The following RAB8B variants were observed in gnomAD, a reference collection of about 807,000 sequenced individuals.
The protein encoded by RAB8B is ras-related protein Rab-8B.
Under a neutral mutation model 32.0 loss-of-function variants are expected in RAB8B, and 11 were observed. The ratio of observed to expected loss-of-function variants is 0.34; its 90% CI spans 0.22 to 0.57. The LOEUF (loss-of-function observed/expected upper bound fraction) is 0.57, where lower values mean the gene tolerates loss of function less well. Ranked by LOEUF, RAB8B falls within the 20% of genes least tolerant of loss-of-function variation. RAB8B has a pLI of 0.86. For missense variants in RAB8B, 190 were observed against 258.5 expected, an observed-to-expected ratio of 0.73 and a Z score of 1.82; for synonymous variants, 103 against 89.6, an observed-to-expected ratio of 1.15 and a Z score of -0.85.
At chr15:63,241,409 T>C (rs999937680) in intron 1 of RAB8B, among the ~76,000 whole-genome samples, 1 of 152,220 alleles carries the variant, frequency 6.6e-6, no homozygotes. Flanking sequence ...TTTTAATTAA[T>C]TTATTCAGGT....
Position 63,263,620 on chromosome 15 carries a change from T to C in RAB8B, c.*1T>C. ...TTTCTTTCGTTGCTCGCTACTTTGA[T>C]GAACTCTTTCTGAGAGACTGCAGCA... On this transcript the variant is annotated 3_prime_UTR_variant, in exon 8 of 8. Transcript: ENST00000321437. 1 of 1,601,064 alleles carries C rather than the reference T, an allele frequency of 6.2e-7. No homozygotes were observed. Among genetic ancestry groups the C allele is most frequent in the Non-Finnish European group, 8.6e-7 (1 of 1,168,132 alleles).
intron 5 of RAB8B, among the ~76,000 whole-genome samples, chr15:63,257,985 C>T (rs1480103611): frequency 6.6e-6 from 1 of 151,264 alleles, no homozygotes; most frequent in African/African-American, 2.4e-5. Flanking sequence ...ATCACTTGAA[C>T]CCAGGAGGCG....
rs71131153 is a variant in RAB8B at position 63,239,410 on chromosome 15, G to GTTT, written c.125-5328_125-5326dup. Among the ~76,000 whole-genome samples the GTTT allele has an allele frequency of 1.6e-4, 19 of 120,862 alleles. 1 individual carries two copies. The highest frequency in any genetic ancestry group is 2.7e-4 in the South Asian group (1 of 3,662). The allele number at this position is 120,862 out of a possible 152,430, so 79.3% of individuals were successfully genotyped here. ...TATAATATATTAAGAAATTTCCGAAGTTTTTTTTTTTTTTTTTTTTGAGAC... is the reference window on the plus strand; with the variant it reads ...TATAATATATTAAGAAATTTCCGAAGTTTTTTTTTTTTTTTTTTTTTTTGAGAC... On this transcript the variant is annotated intron_variant, in intron 1 of 7. Transcript: ENST00000321437.
intron 1 of RAB8B, among the ~76,000 whole-genome samples, chr15:63,197,236 TTTATGG>T (rs1375698422): frequency 6.6e-6 from 1 of 151,602 alleles, no homozygotes; most frequent in Non-Finnish European, 1.5e-5. Context: ...AGTACTGATG[TTTATGG>T]TTATGTTTTA....
At chr15:63,189,894 C>T in intron 1 of RAB8B, 146 bp downstream of exon 1, 1 of 894,104 alleles carries the variant, frequency 1.1e-6, no homozygotes, top group Non-Finnish European at 1.4e-6. Context: ...GGGGCGAGGG[C>T]GTGAGGGAGA....
chr15:63,229,577 T>G (rs1195209259), intron 1 of RAB8B, among the ~76,000 whole-genome samples: 1 of 151,028 alleles, frequency 6.6e-6, no homozygotes, highest in Admixed American at 6.6e-5. Context: ...AGGTCAGGAG[T>G]TCAAGCCATT....
At chr15:63,195,549 G>A (rs929019153) in intron 1 of RAB8B, among the ~76,000 whole-genome samples, 4 of 152,210 alleles carry the variant, frequency 2.6e-5, no homozygotes, top group Non-Finnish European at 5.9e-5. Flanking sequence ...AGGTAAATAA[G>A]TCTAGTCTTT....
intron 6 of RAB8B, among the ~76,000 whole-genome samples, chr15:63,260,544 T>C (rs558546734): frequency 6.6e-6 from 1 of 152,302 alleles, no homozygotes; most frequent in African/African-American, 2.4e-5. Flanking sequence ...CCAAACCATC[T>C]AAAGTCTTAT....
At chr15:63,199,186 A>G (rs905934795) in intron 1 of RAB8B, among the ~76,000 whole-genome samples, 3 of 152,242 alleles carry the variant, frequency 2.0e-5, no homozygotes, top group Non-Finnish European at 4.4e-5. Context: ...GGTTGGGAAG[A>G]GAAAAATGAA....
intron 1 of RAB8B, among the ~76,000 whole-genome samples, chr15:63,234,317 G>T (rs965053953): frequency 6.6e-6 from 1 of 152,116 alleles, no homozygotes; most frequent in Non-Finnish European, 1.5e-5. Context: ...ATTCACAAAC[G>T]CAGGGGCAAC....
Position 63,227,230 on chromosome 15 carries a change from T to C in RAB8B, c.125-17526T>C, listed in dbSNP as rs559628630. 2.6e-5 allele frequency among the ~76,000 whole-genome samples: 4 copies of C among 152,326 alleles called. No homozygotes were observed. In the East Asian group the frequency reaches 5.8e-4, roughly 22 times the overall value. On this transcript the variant is annotated intron_variant, in intron 1 of 7. Coordinates refer to ENST00000321437, the MANE Select transcript of RAB8B (RefSeq NM_016530.3). ...CAGCTCCTGTTTAAGATGGAGTTGCTCTGGTTCACACGCCTCTGACATTTG... is the reference window on the plus strand; with the variant it reads ...CAGCTCCTGTTTAAGATGGAGTTGCCCTGGTTCACACGCCTCTGACATTTG...
At chr15:63,191,573 A>G (rs1316551726) in intron 1 of RAB8B, among the ~76,000 whole-genome samples, 1 of 152,190 alleles carries the variant, frequency 6.6e-6, no homozygotes, top group Non-Finnish European at 1.5e-5. Context: ...AAGGGTGTTA[A>G]TTTTTGACAT....
Position 63,263,718 on chromosome 15 carries a change from T to C in RAB8B, c.*99T>C. 3 of 929,514 alleles carry C rather than the reference T, an allele frequency of 3.2e-6. No homozygotes were observed. The highest frequency in any genetic ancestry group is 5.1e-6 in the Non-Finnish European group (3 of 586,942). The allele number at this position is 929,514 out of a possible 1,614,324, so 57.6% of individuals were successfully genotyped here. ...CCTCAGAATCACACCTCCCGGCTGC[T>C]GCTGAGAGCACCACTGAACTTAGAC... On this transcript the variant is annotated 3_prime_UTR_variant, in exon 8 of 8. Coordinates refer to ENST00000321437, the MANE Select transcript of RAB8B (RefSeq NM_016530.3).
chr15:63,196,650 A>G (rs2037602345), intron 1 of RAB8B, among the ~76,000 whole-genome samples: 1 of 152,248 alleles, frequency 6.6e-6, no homozygotes, highest in Non-Finnish European at 1.5e-5. Flanking sequence ...AAAGCCCTAT[A>G]TGAGCTGTAA....
chr15:63,249,672 A>G lies in RAB8B; in HGVS notation c.213A>G (p.Arg71=). 6.2e-7 allele frequency: 1 copy of G among 1,613,984 alleles called. No homozygotes were observed. The change falls in exon 3 of 8, where the codon CGA becomes CGG. Residue 71 remains arginine (R), a synonymous_variant. Transcript: ENST00000321437. ...IWDTAGQERF[R]TITTAYYRGA... ...ACACAGCGGGTCAGGAAAGATTCCG[A>G]ACAATCACGACAGCGTACTACAGAG...
chr15:63,216,234 ATTT>A lies in RAB8B; in HGVS notation c.124+26495_124+26497del, dbSNP rs1212796355. Among the ~76,000 whole-genome samples the A allele has an allele frequency of 6.3e-3, 842 of 133,320 alleles. 12 individuals are homozygous for A. Among genetic ancestry groups the A allele is most frequent in the African/African-American group, 0.022 (774 of 35,550 alleles). The allele number at this position is 133,320 out of a possible 152,430, so 87.5% of individuals were successfully genotyped here. A position where few individuals can be genotyped will look rare whatever the true frequency, so the allele number is the denominator to read the frequency against. On this transcript the variant is annotated intron_variant, in intron 1 of 7. Transcript: ENST00000321437. Reference sequence around the variant, plus strand: ...TTAATTAATTAATTAATTAATTATTATTTTTTTTTTTGGAGACAGAGTCTTGCT... The same window carrying A: ...TTAATTAATTAATTAATTAATTATTATTTTTTTTGGAGACAGAGTCTTGCT...
At chr15:63,258,080 A>AT (rs984122387) in intron 5 of RAB8B, among the ~76,000 whole-genome samples, 2 of 150,596 alleles carry the variant, frequency 1.3e-5, no homozygotes, top group African/African-American at 4.9e-5. Context: ...AAAAAAAAAA[A>AT]GTAATTAAAA....
intron 1 of RAB8B, among the ~76,000 whole-genome samples, chr15:63,238,419 G>A (rs1000132777): frequency 8.6e-5 from 13 of 152,006 alleles, no homozygotes; most frequent in African/African-American, 2.4e-4. Context: ...GAGATGTTGT[G>A]GCAGCTACTT....
intron 1 of RAB8B, among the ~76,000 whole-genome samples, chr15:63,220,397 T>C (rs1367488566): frequency 1.3e-5 from 2 of 152,174 alleles, no homozygotes; most frequent in South Asian, 2.1e-4. Context: ...GTTTTTAATA[T>C]GGATTGCAAC....
Sources: allele counts gnomAD v4.1 joint callset (sites outside exome capture counted in the v4.1 genomes callset), GRCh38; gene constraint gnomAD v4.1.1; transcripts MANE v1.5; gene names NCBI Gene and HGNC (gene_info 2026-07-23, HGNC 2026-07-21).